The following DCAF6 variants were observed in gnomAD, a reference collection of about 807,000 sequenced individuals.
DCAF6 encodes the protein DDB1 and CUL4 associated factor 6, also known as DDB1- and CUL4-associated factor 6.
A neutral mutation model predicts 125.1 loss-of-function variants in DCAF6; 54 were observed. That is an observed-to-expected ratio of 0.43 (90% confidence interval 0.35 to 0.54). The LOEUF is 0.54. Ranked by LOEUF, DCAF6 falls within the 20% of genes least tolerant of loss-of-function variation. The pLI, the probability that DCAF6 is intolerant of heterozygous loss-of-function variation, is 0.01. For synonymous variants in DCAF6, 371 were observed against 390.4 expected (o/e 0.95, Z 0.58); for missense variants, 934 against 1,161.7 (o/e 0.80, Z 2.85).
At chr1:167,887,770 A>C in the DCAF6 span, among the ~76,000 whole-genome samples, 1 of 151,368 alleles carries the variant, frequency 6.6e-6, no homozygotes, top group African/African-American at 2.4e-5. Context: ...TATCTGATAA[A>C]ATAATTCTAA....
intron 10 of DCAF6, 61 bp downstream of exon 10, chr1:168,004,854 G>C: frequency 6.5e-7 from 1 of 1,549,320 alleles, no homozygotes; most frequent in Non-Finnish European, 8.8e-7. Context: ...TTCTTTACTG[G>C]CTATTTTGAA....
the DCAF6 span, among the ~76,000 whole-genome samples, chr1:167,908,064 T>G: frequency 7.9e-5 from 12 of 152,224 alleles, no homozygotes; most frequent in African/African-American, 2.9e-4. Flanking sequence ...CATCTGGGTA[T>G]ATACCCAAAG....
intron 21 of DCAF6, among the ~76,000 whole-genome samples, chr1:168,071,763 A>T (rs1233415652): frequency 2.4e-4 from 36 of 152,218 alleles, no homozygotes; most frequent in Non-Finnish European, 1.5e-5. Flanking sequence ...CTCTTAAAGT[A>T]AAACCCAGAC....
intron 5 of DCAF6, among the ~76,000 whole-genome samples, chr1:167,987,898 G>C (rs890607909): frequency 2.0e-5 from 3 of 151,968 alleles, no homozygotes; most frequent in Middle Eastern, 6.9e-3. Flanking sequence ...AGTATATACT[G>C]TCTAATATAA....
At chr1:167,872,198 C>T in the DCAF6 span, among the ~76,000 whole-genome samples, 2 of 151,960 alleles carry the variant, frequency 1.3e-5, no homozygotes, top group East Asian at 1.9e-4. Context: ...ATTAGCCGGG[C>T]GTGGTGGTGC....
At chr1:167,892,751 C>G in the DCAF6 span, among the ~76,000 whole-genome samples, 12 of 152,086 alleles carry the variant, frequency 7.9e-5, no homozygotes, top group South Asian at 4.1e-4. Context: ...ACTGGACAGG[C>G]CTTTGTTACA....
chr1:167,945,612 C>T (rs1672952047), intron 1 of DCAF6, among the ~76,000 whole-genome samples: 1 of 152,158 alleles, frequency 6.6e-6, no homozygotes, highest in Non-Finnish European at 1.5e-5. Context: ...CTGCCTGAGC[C>T]TCCAGAGTAG....
chr1:168,059,378 GTCTC>G (rs1436000396), intron 17 of DCAF6, among the ~76,000 whole-genome samples: 3 of 152,168 alleles, frequency 2.0e-5, no homozygotes, highest in Non-Finnish European at 4.4e-5. Flanking sequence ...CAATTTGCCT[GTCTC>G]TCTGTCAGTA....
At chr1:168,004,139 A>G in intron 9 of DCAF6, 150 bp downstream of exon 9, 2 of 1,028,122 alleles carry the variant, frequency 1.9e-6, no homozygotes, top group South Asian at 1.9e-5. Context: ...AGTAGAGAAT[A>G]AAAGATATTG....
At chr1:167,863,765 C>T in the DCAF6 span, among the ~76,000 whole-genome samples, 1 of 152,208 alleles carries the variant, frequency 6.6e-6, no homozygotes, top group Non-Finnish European at 1.5e-5. Flanking sequence ...TGTGGCAGGC[C>T]CCCGTGGAGG....
rs146520790 is a variant in DCAF6, at chr1:167,936,921, G to A, written c.10G>A (p.Gly4Ser). The A allele has an allele frequency of 1.3e-5, 21 of 1,605,260 alleles. No individual in the cohort carries two copies. The African/African-American group carries it at 2.0e-4, about 15-fold the overall frequency. The change falls in exon 1 of 22, where the codon GGT becomes AGT. Residue 4 changes from glycine (G) to serine (S), a missense_variant. By Grantham distance (56) the Gly-to-Ser change is moderately conservative. This residue lies in a region of DCAF6 where 309 missense variants were observed against 381.2 expected (regional missense o/e 0.81). Transcript: ENST00000367840. MSR[G>S]GSYPHLLWDV... ...CGGCTCAGGCAGAGCCATGTCTCGG[G>A]GTGGCTCCTACCCACACCTGTTGTG...
At chr1:167,936,680 T>G (rs1216244958), upstream of DCAF6, 2 of 488,248 alleles carry the variant, frequency 4.1e-6, no homozygotes, top group Admixed American at 3.9e-5. Flanking sequence ...GTTGCTGATC[T>G]TTGGATGTTC....
the DCAF6 span, chr1:167,878,346 T>C: frequency 0.3 from 419,910 of 1,387,512 alleles, 66,409 homozygotes; most frequent in African/African-American, 0.51. Flanking sequence ...ATTTCAACTT[T>C]TTGAACTGGC....
intron 1 of DCAF6, among the ~76,000 whole-genome samples, chr1:167,944,706 C>T (rs1332874097): frequency 6.6e-6 from 1 of 152,108 alleles, no homozygotes; most frequent in Non-Finnish European, 1.5e-5. Context: ...GGATATTAGT[C>T]CCCTGTTGGA....
chr1:167,990,349 G>C (rs1368244924), intron 5 of DCAF6, among the ~76,000 whole-genome samples: 1 of 151,654 alleles, frequency 6.6e-6, no homozygotes, highest in East Asian at 1.9e-4. Flanking sequence ...GGGCAACAGA[G>C]CAAGACATAT....
intron 12 of DCAF6, among the ~76,000 whole-genome samples, chr1:168,026,643 A>G (rs1048113802): frequency 3.9e-5 from 6 of 152,128 alleles, no homozygotes; most frequent in Non-Finnish European, 8.8e-5. Context: ...GGTGATAATG[A>G]ACCATCAGCC....
intron 10 of DCAF6, among the ~76,000 whole-genome samples, chr1:168,009,471 TCCC>T (rs1683961202): frequency 2.8e-5 from 4 of 145,438 alleles, no homozygotes; most frequent in African/African-American, 5.1e-5. Flanking sequence ...TCTTCCTTCC[TCCC>T]TCCCTCCCTT....
the DCAF6 span, chr1:167,883,716 T>A: frequency 8.1e-7 from 1 of 1,236,948 alleles, no homozygotes; most frequent in Non-Finnish European, 1.2e-6. Flanking sequence ...CGAAATCATC[T>A]AGGGAATGTC....
intron 17 of DCAF6, among the ~76,000 whole-genome samples, chr1:168,051,163 T>G (rs1689880386): frequency 6.6e-6 from 1 of 152,240 alleles, no homozygotes; most frequent in South Asian, 2.1e-4. Flanking sequence ...TGATGTTCAC[T>G]TCAAATATGT....
Sources: gnomAD v4.1 joint callset for allele counts (sites outside exome capture counted in the v4.1 genomes callset) on GRCh38, gnomAD v4.1.1 for gene constraint, gnomAD v4.1.1 regional missense constraint, MANE v1.5 for transcripts, NCBI Gene and HGNC (gene_info 2026-07-23, HGNC 2026-07-21) for gene names.